The following TNRC6C variants were observed in gnomAD, a reference collection of about 807,000 sequenced individuals.
The protein encoded by TNRC6C is trinucleotide repeat-containing gene 6C protein.
In TNRC6C, 20 loss-of-function variants were observed where a neutral mutation model predicts 153.7. The ratio of observed to expected loss-of-function variants is 0.13; its 90% CI spans 0.09 to 0.19. The LOEUF (loss-of-function observed/expected upper bound fraction) is 0.19, where lower values mean the gene tolerates loss of function less well. Ranked by LOEUF, TNRC6C falls within the 10% of genes least tolerant of loss-of-function variation. TNRC6C has a pLI of 1.00. For missense variants in TNRC6C, 1,987 were observed against 2,172.0 expected (o/e 0.91, Z 1.69); for synonymous variants, 811 against 841.4 (o/e 0.96, Z 0.63).
intron 16 of TNRC6C, among the ~76,000 whole-genome samples, chr17:78,096,508 T>C (rs1446514347): frequency 6.6e-6 from 1 of 152,256 alleles, no homozygotes; most frequent in East Asian, 1.9e-4. Context: ...AAGAGGTCCC[T>C]TGCAGCAGGG....
At chr17:77,975,059 T>G (rs1167779124) in intron 1 of TNRC6C, among the ~76,000 whole-genome samples, 1 of 152,178 alleles carries the variant, frequency 6.6e-6, no homozygotes, top group Admixed American at 6.5e-5. Context: ...TGAGAAAACT[T>G]AAATATGATA....
At chr17:77,970,227 A>C (rs2070929974) in intron 1 of TNRC6C, among the ~76,000 whole-genome samples, 1 of 152,068 alleles carries the variant, frequency 6.6e-6, no homozygotes, top group African/African-American at 2.4e-5. Flanking sequence ...TAACAGTTTT[A>C]CTTCTTTACA....
intron 2 of TNRC6C, among the ~76,000 whole-genome samples, chr17:78,046,723 C>G (rs1472561037): frequency 6.6e-6 from 1 of 152,134 alleles, no homozygotes; most frequent in Non-Finnish European, 1.5e-5. Context: ...TTTGCTTTTC[C>G]TAATTCGCTC....
upstream of TNRC6C, among the ~76,000 whole-genome samples, chr17:78,002,805 TG>T (rs1473665969): frequency 1.3e-5 from 2 of 152,246 alleles, no homozygotes; most frequent in Admixed American, 6.5e-5. Flanking sequence ...TCCTTGTTTT[TG>T]TCCCTGGTGC....
At chr17:78,001,920 G>A (rs1456251188), upstream of TNRC6C, among the ~76,000 whole-genome samples, 1 of 152,084 alleles carries the variant, frequency 6.6e-6, no homozygotes, top group Non-Finnish European at 1.5e-5. Context: ...TGTTGATCAT[G>A]TATATTTAAA....
chr17:78,003,086 C>T (rs1244522652), upstream of TNRC6C, among the ~76,000 whole-genome samples: 2 of 152,062 alleles, frequency 1.3e-5, no homozygotes, highest in Non-Finnish European at 2.9e-5. Context: ...TGGTTAGGGT[C>T]TAGTAGCTAA....
chr17:78,008,358 G>A (rs2071559885), intron 1 of TNRC6C: 1 of 152,118 alleles, frequency 6.6e-6, no homozygotes, highest in African/African-American at 2.4e-5. Context: ...ATATCTTTGG[G>A]TCATTTTCTT....
At chr17:78,040,309 A>G (rs2072266221) in intron 2 of TNRC6C, among the ~76,000 whole-genome samples, 1 of 152,216 alleles carries the variant, frequency 6.6e-6, no homozygotes, top group Non-Finnish European at 1.5e-5. Flanking sequence ...TCCAGCTTGA[A>G]ACACTTGAGA....
chr17:78,095,618 G>A (rs1050512031), intron 16 of TNRC6C, among the ~76,000 whole-genome samples: 6 of 152,218 alleles, frequency 3.9e-5, no homozygotes, highest in Admixed American at 3.3e-4. Flanking sequence ...CCTTCAGCTC[G>A]TGACCAGCAC....
chr17:77,995,260 G>A (rs1022025998), intron 1 of TNRC6C, among the ~76,000 whole-genome samples: 4 of 152,208 alleles, frequency 2.6e-5, no homozygotes, highest in African/African-American at 2.4e-5. Context: ...AAAGCAGTTC[G>A]TGGGAAGGCA....
At chr17:78,017,991 A>G (rs1243331602) in intron 1 of TNRC6C, among the ~76,000 whole-genome samples, 5 of 152,206 alleles carry the variant, frequency 3.3e-5, no homozygotes, top group African/African-American at 4.8e-5. Context: ...TGTTCCTTTT[A>G]TCATGCTTAC....
chr17:78,069,673 A>G (rs1405065843), intron 5 of TNRC6C, among the ~76,000 whole-genome samples: 3 of 152,346 alleles, frequency 2.0e-5, no homozygotes, highest in East Asian at 3.9e-4. Context: ...ATGGAGTAAC[A>G]AGTTAATTAT....
At chr17:78,083,705 T>C (rs2144454383) in intron 11 of TNRC6C, among the ~76,000 whole-genome samples, 1 of 152,356 alleles carries the variant, frequency 6.6e-6, no homozygotes, top group South Asian at 2.1e-4. Flanking sequence ...TTATTACATA[T>C]AGTAGATGCC....
At chr17:78,099,054 C>T (rs1236990788) in intron 17 of TNRC6C, among the ~76,000 whole-genome samples, 1 of 152,236 alleles carries the variant, frequency 6.6e-6, no homozygotes, top group African/African-American at 2.4e-5. Flanking sequence ...TCAGGTGCTG[C>T]ATGTCGAACC....
chr17:77,959,049 G>T (rs2070837334), upstream of TNRC6C, among the ~76,000 whole-genome samples: 1 of 143,868 alleles, frequency 7.0e-6, no homozygotes, highest in South Asian at 2.1e-4. Flanking sequence ...GGCCGGACCT[G>T]GACCTGCCGG....
At chr17:78,074,949 G>A (rs984740726) in intron 7 of TNRC6C, among the ~76,000 whole-genome samples, 187 bp from the exon 10 acceptor site, 15 of 152,206 alleles carry the variant, frequency 9.9e-5, no homozygotes, top group East Asian at 3.9e-4. Context: ...TCCCCTTGCC[G>A]TGAATCCTTG....
intron 1 of TNRC6C, among the ~76,000 whole-genome samples, chr17:77,968,740 G>A (rs79737747): frequency 0.053 from 8,016 of 152,196 alleles, 497 homozygotes; most frequent in African/African-American, 0.16. Flanking sequence ...AAAATGGTTT[G>A]TTCTCTTTAA....
upstream of TNRC6C, among the ~76,000 whole-genome samples, chr17:78,003,429 G>A (rs993921065): frequency 6.6e-6 from 1 of 152,040 alleles, no homozygotes; most frequent in Non-Finnish European, 1.5e-5. Context: ...ACAAGAACAG[G>A]GTGTTGTGGA....
chr17:78,102,078 G>T (rs1332460278), intron 17 of TNRC6C, among the ~76,000 whole-genome samples: 1 of 152,202 alleles, frequency 6.6e-6, no homozygotes, highest in African/African-American at 2.4e-5. Flanking sequence ...AGCCTTCAGG[G>T]ATTTGCTCTG....
Sources: gnomAD v4.1 joint callset for allele counts (sites outside exome capture counted in the v4.1 genomes callset) on GRCh38, gnomAD v4.1.1 for gene constraint, MANE v1.5 for transcripts, NCBI Gene and HGNC (gene_info 2026-07-23, HGNC 2026-07-21) for gene names.